Variants in ERI3 observed in about 807,000 individuals in gnomAD.
ERI3 encodes ERI1 exoribonuclease family member 3.
In ERI3, 18 loss-of-function variants were observed where a neutral mutation model predicts 44.4. The ratio of observed to expected loss-of-function variants is 0.41; its 90% confidence interval spans 0.28 to 0.60. The LOEUF is 0.60. Among genes scored for constraint, ERI3 ranks in the 20% least tolerant of loss-of-function variants. The pLI is 0.36. For synonymous variants in ERI3, 183 were observed against 164.8 expected, an observed-to-expected ratio of 1.11 and a Z score of -0.84; for missense variants, 294 against 435.5, an observed-to-expected ratio of 0.68 and a Z score of 2.89.
At chr1:44,267,254 A>C (rs1490883937) in intron 7 of ERI3, among the ~76,000 whole-genome samples, 1 of 152,144 alleles carries the variant, frequency 6.6e-6, no homozygotes, top group East Asian at 1.9e-4. Context: ...AGAGGGGAAG[A>C]TCTGGGGCTT....
rs201463005 is a variant in ERI3 at position 44,284,911 on chromosome 1, C to T, written c.759-4G>A. 10 of 1,607,700 alleles carry T rather than the reference C, an allele frequency of 6.2e-6. No homozygotes were observed. The Admixed American group carries it at 1.4e-4, about 22-fold the overall frequency. On this transcript the variant is annotated splice_region_variant and splice_polypyrimidine_tract_variant and intron_variant, in intron 6 of 8. Transcript: ENST00000372257. The stretch of plus-strand genomic sequence containing the variant: ...GTACTGGCACTGGCCTGGGAGCCTA[C>T]AAAAAAAAGGGAAGAGAGAACAAGT...
rs777742771 is a variant in ERI3 at position 44,354,952 on chromosome 1, G to T, written c.75C>A (p.Pro25=). ...TCCAGGGGAGAGTAAGGGGAGGGGC[G>T]GGGGGCCAGGAGACCAGCCCTCCTT... ...PWEGGLVSWP[P]APPLTLPWTW... The change falls in exon 1 of 9, where the codon CCC becomes CCA. Residue 25 remains proline, a synonymous_variant. Coordinates refer to ENST00000372257, the MANE Select transcript of ERI3 (RefSeq NM_024066.3). 1.5e-6 allele frequency: 2 copies of T among 1,340,946 alleles called. No homozygotes were observed. Among genetic ancestry groups the T allele is most frequent in the East Asian group, 2.8e-5 (1 of 35,854 alleles). 83.1% of individuals were successfully genotyped at this position (1,340,946 alleles called of 1,614,324 possible).
intron 7 of ERI3, among the ~76,000 whole-genome samples, chr1:44,259,693 C>CACACACACAG (rs1027134737): frequency 5.9e-5 from 5 of 85,014 alleles, no homozygotes; most frequent in African/African-American, 2.1e-4. Flanking sequence ...CACACAGACA[C>CACACACACAG]ACACACACAC....
chr1:44,303,645 G>T (rs968695163), intron 6 of ERI3, among the ~76,000 whole-genome samples: 10 of 152,158 alleles, frequency 6.6e-5, no homozygotes, highest in African/African-American at 2.4e-4. Context: ...GAACTGGCCA[G>T]CTCATGCATG....
chr1:44,287,049 T>A (rs1645408115), intron 6 of ERI3, among the ~76,000 whole-genome samples: 1 of 152,212 alleles, frequency 6.6e-6, no homozygotes, highest in East Asian at 1.9e-4. Flanking sequence ...TAAACTGTGA[T>A]AAAAGCATGC....
chr1:44,271,181 G>T (rs1190362166), intron 7 of ERI3, among the ~76,000 whole-genome samples: 2 of 152,166 alleles, frequency 1.3e-5, no homozygotes, highest in African/African-American at 4.8e-5. Flanking sequence ...ACTGGCCAAT[G>T]ATTGCTTACT....
intron 1 of ERI3, chr1:44,353,709 T>C (rs1646941444): frequency 1.0e-6 from 1 of 985,358 alleles, no homozygotes. Flanking sequence ...AGAAAAGCTC[T>C]TAGCCAAGCT....
At chr1:44,348,726 C>T (rs1646833050) in intron 2 of ERI3, among the ~76,000 whole-genome samples, 1 of 152,230 alleles carries the variant, frequency 6.6e-6, no homozygotes, top group South Asian at 2.1e-4. Context: ...ACACGGCATG[C>T]ATCAGACTGC....
intron 2 of ERI3, among the ~76,000 whole-genome samples, chr1:44,348,170 A>G (rs1343845610): frequency 6.6e-6 from 1 of 152,212 alleles, no homozygotes; most frequent in East Asian, 1.9e-4. Context: ...TCCTTTCTTT[A>G]TCCTTCCTCC....
intron 2 of ERI3, among the ~76,000 whole-genome samples, chr1:44,342,857 A>ATATATATATT (rs1646709018): frequency 5.2e-5 from 1 of 19,176 alleles, no homozygotes; most frequent in Non-Finnish European, 9.0e-5. Context: ...ATATATATAT[A>ATATATATATT]TTTTTTTTTT....
At chr1:44,231,680 C>A (rs1644187997) in intron 8 of ERI3, among the ~76,000 whole-genome samples, 1 of 152,150 alleles carries the variant, frequency 6.6e-6, no homozygotes, top group African/African-American at 2.4e-5. Context: ...CAACAGCCAC[C>A]TGCTTCTGCT....
rs930462037 is a variant in ERI3, at chr1:44,299,042, C to T, written c.758+9268G>A. Among the ~76,000 whole-genome samples, 23 of 152,028 alleles carry T rather than the reference C, an allele frequency of 1.5e-4. 1 individual carries two copies. Among genetic ancestry groups the T allele is most frequent in the Admixed American group, 1.0e-3 (16 of 15,246 alleles). ...AGGCATCACTGACTGGGAAGAGGCA[C>T]GAGGGAACTTTCTGGGATGATGAAA... is the stretch of plus-strand genomic sequence containing the variant. On this transcript the variant is annotated intron_variant, in intron 6 of 8. Coordinates refer to ENST00000372257, the MANE Select transcript of ERI3 (RefSeq NM_024066.3).
Position 44,221,358 on chromosome 1 carries a change from G to A in ERI3, c.*200C>T, listed in dbSNP as rs1196811417. On this transcript the variant is annotated 3_prime_UTR_variant, in exon 9 of 9. Transcript: ENST00000372257. The surrounding 1 kb of genome is among the most constrained non-coding windows in gnomAD (Gnocchi z 5.9). ...GAGGGGTGGGGATGGGGGGCACAAA[G>A]TGTCTGCTCCAGAAGGGCCAAGTGG... 7.0e-6 allele frequency: 4 copies of A among 572,866 alleles called. No individual in the cohort carries two copies. The highest frequency in any genetic ancestry group is 9.3e-6 in the Non-Finnish European group (3 of 321,534). 35.5% of individuals were successfully genotyped at this position (572,866 alleles called of 1,614,324 possible).
chr1:44,264,692 G>C (rs796518944), intron 7 of ERI3, among the ~76,000 whole-genome samples: 22 of 152,248 alleles, frequency 1.4e-4, no homozygotes, highest in African/African-American at 5.1e-4. Context: ...TACAAGGAAG[G>C]GGGGGCAGCC....
rs35475844 is a variant in ERI3 at position 44,324,476 on chromosome 1, C to CTTTT, written c.490-4736_490-4733dup. Among the ~76,000 whole-genome samples, 315 of 90,462 alleles carry CTTTT rather than the reference C, an allele frequency of 3.5e-3. 4 individuals carry two copies. Among genetic ancestry groups the CTTTT allele is most frequent in the Middle Eastern group, 9.6e-3 (1 of 104 alleles). 59.3% of individuals were successfully genotyped at this position (90,462 alleles called of 152,430 possible). On this transcript the variant is annotated intron_variant, in intron 3 of 8. Transcript: ENST00000372257. Reference sequence around the variant, plus strand: ...CCAAGGGTTTCCTGCAACATAGACTCTTTTTTTTTTTTTTTTTTTTTTTGA... The same window carrying CTTTT: ...CCAAGGGTTTCCTGCAACATAGACTCTTTTTTTTTTTTTTTTTTTTTTTTTTTGA...
chr1:44,289,450 C>T (rs1645458762), intron 6 of ERI3, among the ~76,000 whole-genome samples: 1 of 152,254 alleles, frequency 6.6e-6, no homozygotes, highest in African/African-American at 2.4e-5. Flanking sequence ...CCTCTCTATT[C>T]CATCCAGGGA....
Position 44,241,473 on chromosome 1 carries a change from C to G in ERI3, c.931+6466G>C, listed in dbSNP as rs1644432686. On this transcript the variant is annotated intron_variant, in intron 8 of 8. Coordinates refer to ENST00000372257, the MANE Select transcript of ERI3 (RefSeq NM_024066.3). This position sits in a 1 kb window ranked among gnomAD's most constrained non-coding sequence, Gnocchi z 5.6. ...CACACATGCACACACTTCACTGACTCTTGCTCTAACACTCCCACCCACCCC... is the reference window on the plus strand; with the variant it reads ...CACACATGCACACACTTCACTGACTGTTGCTCTAACACTCCCACCCACCCC... 6.6e-6 allele frequency among the ~76,000 whole-genome samples: 1 copy of G among 152,132 alleles called. No homozygotes were observed. The highest frequency in any genetic ancestry group is 2.4e-5 in the African/African-American group (1 of 41,418).
At chr1:44,222,706 C>T (rs1428520464) in intron 8 of ERI3, among the ~76,000 whole-genome samples, 1 of 152,210 alleles carries the variant, frequency 6.6e-6, no homozygotes, top group East Asian at 1.9e-4. Context: ...CCACAGCAGC[C>T]ACCAAACTCA....
chr1:44,254,640 G>A (rs962194132), intron 7 of ERI3, among the ~76,000 whole-genome samples: 5 of 152,080 alleles, frequency 3.3e-5, no homozygotes, highest in Admixed American at 2.0e-4. Flanking sequence ...ACAGATCCAA[G>A]ACCACAGCCT....
Sources: gnomAD v4.1 joint callset for allele counts (sites outside exome capture counted in the v4.1 genomes callset) on GRCh38, gnomAD v4.1.1 for gene constraint, Gnocchi (gnomAD v3.1) non-coding constraint, MANE v1.5 for transcripts, NCBI Gene and HGNC (gene_info 2026-07-23, HGNC 2026-07-21) for gene names.